CSMD1: variants seen among roughly 807,000 people sequenced by gnomAD.
The protein encoded by CSMD1 is CUB and sushi domain-containing protein 1.
A neutral mutation model predicts 417.5 loss-of-function variants in CSMD1; 213 were observed. That is an observed-to-expected ratio of 0.51 (90% confidence interval 0.46 to 0.57). The LOEUF (loss-of-function observed/expected upper bound fraction) is 0.57, where lower values mean the gene tolerates loss of function less well. Among genes scored for constraint, CSMD1 ranks in the 20% least tolerant of loss-of-function variants. The pLI, the probability that CSMD1 is intolerant of heterozygous loss-of-function variation, is 0.00. For missense variants in CSMD1, 6,923 were observed against 4,529.7 expected, an observed-to-expected ratio of 1.53 and a Z score of -15.17; for synonymous variants, 2,862 against 1,736.8, an observed-to-expected ratio of 1.65 and a Z score of -16.11.
In CSMD1 at chr8:3,782,326, G is replaced by A. The variant is rs1799227049; in HGVS notation, c.819-28284C>T. Among the ~76,000 whole-genome samples, 3 of 152,042 alleles carry A rather than the reference G, an allele frequency of 2.0e-5. No individual in the cohort carries two copies. In the South Asian group the frequency reaches 6.2e-4, roughly 31 times the overall value. On this transcript the variant is annotated intron_variant, in intron 5 of 69. Coordinates refer to ENST00000635120, the MANE Select transcript of CSMD1 (RefSeq NM_033225.6). ...CTAACCATACTTGTATGATACTGTG[G>A]CCCTATAGGAAAATGTTCAAAAAGG...
chr8:4,132,637 A>G (rs111968672), intron 3 of CSMD1, among the ~76,000 whole-genome samples: 12 of 152,264 alleles, frequency 7.9e-5, no homozygotes, highest in African/African-American at 2.9e-4. Flanking sequence ...TTCTAAGCCA[A>G]ATAAATATTC....
intron 26 of CSMD1, among the ~76,000 whole-genome samples, chr8:3,252,073 C>T (rs1341927823): frequency 4.6e-5 from 7 of 152,198 alleles, no homozygotes; most frequent in Non-Finnish European, 8.8e-5. Flanking sequence ...TGCCTGATTG[C>T]CCTGGCCAGA....
At chr8:4,326,944 C>T (rs1032899347) in intron 3 of CSMD1, among the ~76,000 whole-genome samples, 2 of 152,050 alleles carry the variant, frequency 1.3e-5, no homozygotes, top group Non-Finnish European at 2.9e-5. Context: ...GGAATGTCTA[C>T]TTTGGAAGTG....
chr8:4,306,576 T>G (rs1233843383), intron 3 of CSMD1, among the ~76,000 whole-genome samples: 1 of 152,144 alleles, frequency 6.6e-6, no homozygotes, highest in Admixed American at 6.6e-5. Context: ...TCCCTGCCCA[T>G]GGTGTATTAA....
intron 5 of CSMD1, among the ~76,000 whole-genome samples, chr8:3,915,168 G>C (rs559714616): frequency 1.3e-5 from 2 of 152,070 alleles, no homozygotes; most frequent in Admixed American, 6.5e-5. Context: ...CCCTTTGGGA[G>C]GCTGAGGCAG....
intron 11 of CSMD1, among the ~76,000 whole-genome samples, chr8:3,474,749 T>C (rs1175734610): frequency 6.6e-6 from 1 of 152,172 alleles, no homozygotes; most frequent in Non-Finnish European, 1.5e-5. Flanking sequence ...TACTATACTT[T>C]AACATTCATC....
chr8:3,599,474 C>T (rs936605822), intron 8 of CSMD1, among the ~76,000 whole-genome samples: 1 of 151,990 alleles, frequency 6.6e-6, no homozygotes, highest in Non-Finnish European at 1.5e-5. Context: ...CACAACGCAG[C>T]ATTAGTAACC....
chr8:4,402,347 C>A (rs755163909), intron 3 of CSMD1, among the ~76,000 whole-genome samples: 23 of 152,044 alleles, frequency 1.5e-4, no homozygotes, highest in Non-Finnish European at 3.4e-4. Flanking sequence ...ACACTCCTTC[C>A]CCTGACTGCA....
intron 2 of CSMD1, among the ~76,000 whole-genome samples, chr8:4,507,908 G>T (rs370496776): frequency 1.3e-4 from 20 of 152,204 alleles, no homozygotes; most frequent in South Asian, 1.2e-3. Flanking sequence ...AAAGATATTT[G>T]GAATTATGTG....
chr8:3,903,658 C>T (rs1358488731), intron 5 of CSMD1, among the ~76,000 whole-genome samples: 4 of 152,110 alleles, frequency 2.6e-5, no homozygotes, highest in Non-Finnish European at 5.9e-5. Flanking sequence ...TTGTTCCTTA[C>T]AAATTGACCC....
intron 3 of CSMD1, among the ~76,000 whole-genome samples, chr8:4,225,254 A>G (rs904154006): frequency 3.9e-5 from 6 of 152,142 alleles, no homozygotes; most frequent in African/African-American, 1.4e-4. Context: ...ACAAACCATC[A>G]TTTTCTTCAA....
intron 4 of CSMD1, among the ~76,000 whole-genome samples, chr8:4,015,321 C>T (rs959533911): frequency 6.6e-6 from 1 of 152,176 alleles, no homozygotes; most frequent in Admixed American, 6.5e-5. Flanking sequence ...AGCATGACTT[C>T]TCTTCCTTCT....
intron 2 of CSMD1, among the ~76,000 whole-genome samples, chr8:4,519,704 C>A (rs1803325173): frequency 8.0e-6 from 1 of 124,972 alleles, no homozygotes; most frequent in Non-Finnish European, 1.6e-5. Flanking sequence ...GATTGTACTA[C>A]TGCACTCCAG....
At chr8:4,507,658 T>C (rs935240557) in intron 2 of CSMD1, among the ~76,000 whole-genome samples, 2 of 152,164 alleles carry the variant, frequency 1.3e-5, no homozygotes, top group African/African-American at 2.4e-5. Context: ...AAGTGGGAGA[T>C]ATCTGAGCAA....
chr8:3,447,975 A>C (rs1815406703), intron 12 of CSMD1, among the ~76,000 whole-genome samples: 1 of 152,110 alleles, frequency 6.6e-6, no homozygotes, highest in African/African-American at 2.4e-5. Flanking sequence ...CAAGAAAAGA[A>C]AGCAGAGCTG....
chr8:4,553,399 C>A (rs1029100087), intron 2 of CSMD1, among the ~76,000 whole-genome samples: 1 of 150,780 alleles, frequency 6.6e-6, no homozygotes, highest in African/African-American at 2.4e-5. Context: ...GTATTATTTT[C>A]ATTAATTACT....
intron 5 of CSMD1, among the ~76,000 whole-genome samples, chr8:3,926,036 CACACACAAACACCATAT>C (rs1809648376): frequency 7.2e-6 from 1 of 138,124 alleles, no homozygotes; most frequent in South Asian, 2.2e-4. Context: ...CACACACACA[CACACACAAACACCATAT>C]ACACACACAC....
At chr8:3,481,136 C>G (rs1319817907) in intron 11 of CSMD1, among the ~76,000 whole-genome samples, 1 of 113,766 alleles carries the variant, frequency 8.8e-6, no homozygotes, top group Non-Finnish European at 1.6e-5. Flanking sequence ...GCCTGGGCAA[C>G]AGAGCGAGAC....
At chr8:3,795,096 T>C (rs796521674) in intron 5 of CSMD1, among the ~76,000 whole-genome samples, 1 of 105,010 alleles carries the variant, frequency 9.5e-6, no homozygotes. Context: ...TAGATATATA[T>C]CTATCATGTA....
Sources: allele counts gnomAD v4.1 joint callset (sites outside exome capture counted in the v4.1 genomes callset), GRCh38; gene constraint gnomAD v4.1.1; transcripts MANE v1.5; gene names NCBI Gene and HGNC (gene_info 2026-07-23, HGNC 2026-07-21).